BLNK: variants seen among roughly 807,000 people sequenced by gnomAD.
BLNK encodes the protein B-cell linker protein.
In BLNK, 29 loss-of-function variants were observed where a neutral mutation model predicts 73.5. That is an observed-to-expected ratio of 0.39 (90% CI 0.29 to 0.54). The LOEUF is 0.54. Among genes scored for constraint, BLNK ranks in the 20% least tolerant of loss-of-function variants. The pLI, the probability that BLNK is intolerant of heterozygous loss-of-function variation, is 0.61. For synonymous variants in BLNK, 176 were observed against 200.8 expected (o/e 0.88, Z 1.04); for missense variants, 460 against 562.8 (o/e 0.82, Z 1.85).
At position 96,217,064 on chromosome 10, in the gene BLNK, T is replaced by C. The variant is rs147948852; in HGVS notation, c.526-330A>G. Among the ~76,000 whole-genome samples the C allele has an allele frequency of 1.5e-3, 231 of 152,346 alleles. 7 individuals are homozygous for C. The East Asian group carries it at 0.04, about 26-fold the overall frequency. On this transcript the variant is annotated intron_variant, in intron 6 of 16. Coordinates refer to ENST00000224337, the MANE Select transcript of BLNK (RefSeq NM_013314.4). Reference sequence around the variant, plus strand: ...TTCTGGACATTGAATATGCACGGAATCACACAATCTGTAGTCTTTTGAGAC... The same window carrying C: ...TTCTGGACATTGAATATGCACGGAACCACACAATCTGTAGTCTTTTGAGAC...
chr10:96,224,047 T>G (rs1591325381), intron 5 of BLNK, 58 bp from the exon 6 acceptor site: 1 of 1,597,052 alleles, frequency 6.3e-7, no homozygotes. Flanking sequence ...ATTTCCTGGG[T>G]GGAAGCCATT....
In BLNK at chr10:96,200,199, A is replaced by G; in HGVS notation, c.1012-41T>C. ...CACTGGTCAGCATGGGATGGTCCCT[A>G]CTTAACTCTAATTTCTGTGTACTAG... On this transcript the variant is annotated intron_variant, in intron 14 of 16. Coordinates refer to ENST00000224337, the MANE Select transcript of BLNK (RefSeq NM_013314.4). The surrounding 1 kb of genome is among the most constrained non-coding windows in gnomAD (Gnocchi z 4.3). 6.5e-7 allele frequency: 1 copy of G among 1,549,756 alleles called. No homozygotes were observed. Among genetic ancestry groups the G allele is most frequent in the Non-Finnish European group, 8.9e-7 (1 of 1,122,438 alleles).
At chr10:96,257,031 AG>A (rs1843548057) in intron 1 of BLNK, among the ~76,000 whole-genome samples, 1 of 152,082 alleles carries the variant, frequency 6.6e-6, no homozygotes, top group Non-Finnish European at 1.5e-5. Flanking sequence ...TCACATCAAA[AG>A]GGTGAGGAAC....
chr10:96,214,216 G>C (rs1466982265), intron 8 of BLNK, among the ~76,000 whole-genome samples: 2 of 152,164 alleles, frequency 1.3e-5, no homozygotes, highest in East Asian at 3.9e-4. Flanking sequence ...GGAAATGCCT[G>C]TGAGAATGCT....
chr10:96,202,206 A>G (rs1424738079), intron 13 of BLNK, among the ~76,000 whole-genome samples: 1 of 152,192 alleles, frequency 6.6e-6, no homozygotes, highest in African/African-American at 2.4e-5. Flanking sequence ...GCTGTAATGA[A>G]CATGATAAGG....
In BLNK at chr10:96,262,812, G is replaced by C. The variant is rs12357496; in HGVS notation, c.47+8540C>G. 1.8e-3 allele frequency among the ~76,000 whole-genome samples: 279 copies of C among 152,316 alleles called. 1 individual carries two copies. The highest frequency in any genetic ancestry group is 3.3e-3 in the Admixed American group (50 of 15,290). ...TACTGACAGCAGGAATCCTCAGAAGGCTTTCTGACTAGTAAGTGACTGCTT... is the reference window on the plus strand; with the variant it reads ...TACTGACAGCAGGAATCCTCAGAAGCCTTTCTGACTAGTAAGTGACTGCTT... On this transcript the variant is annotated intron_variant, in intron 1 of 16. Transcript: ENST00000224337.
At chr10:96,231,048 G>A (rs1444021224) in intron 3 of BLNK, among the ~76,000 whole-genome samples, 1 of 152,198 alleles carries the variant, frequency 6.6e-6, no homozygotes, top group Non-Finnish European at 1.5e-5. Context: ...AGTCCCACTG[G>A]GCAGAGCAAT....
At position 96,271,504 on chromosome 10, in the gene BLNK, C is replaced by A; in HGVS notation, c.-106G>T. ...GGTAAGCCTCTGGTCTCAAGGGTTC[C>A]GGCCACTCAAGTCTGATTTCTGAGA... On this transcript the variant is annotated 5_prime_UTR_variant, in exon 1 of 17. Coordinates refer to ENST00000224337, the MANE Select transcript of BLNK (RefSeq NM_013314.4). 1 of 1,205,636 alleles carries A rather than the reference C, an allele frequency of 8.3e-7. No individual in the cohort carries two copies. Among genetic ancestry groups the A allele is most frequent in the East Asian group, 2.4e-5 (1 of 42,444 alleles). The allele number at this position is 1,205,636 out of a possible 1,614,324, so 74.7% of individuals were successfully genotyped here.
At chr10:96,199,497 T>C (rs782453116) in intron 15 of BLNK, 2 of 462,200 alleles carry the variant, frequency 4.3e-6, no homozygotes, top group Non-Finnish European at 8.7e-6. Flanking sequence ...AGCTTTCTCG[T>C]CTCCCACTGT....
At chr10:96,215,413 AT>A (rs2084042212) in intron 7 of BLNK, 24 bp from the exon 8 acceptor site, 3 of 137,402 alleles carry the variant, frequency 2.2e-5, no homozygotes, top group Non-Finnish European at 3.7e-5. Context: ...ATGTGTGTGT[AT>A]ATATATATAT....
chr10:96,245,280 T>C (rs554498716), intron 2 of BLNK, among the ~76,000 whole-genome samples: 37 of 152,312 alleles, frequency 2.4e-4, no homozygotes, highest in African/African-American at 8.4e-4. Flanking sequence ...TTTGAATGCA[T>C]AGAGAAATGA....
intron 8 of BLNK, among the ~76,000 whole-genome samples, chr10:96,214,713 A>G (rs2084024781): frequency 6.6e-6 from 1 of 152,262 alleles, no homozygotes; most frequent in South Asian, 2.1e-4. Context: ...GGGAGTTACC[A>G]GTGTAGACTT....
intron 1 of BLNK, among the ~76,000 whole-genome samples, chr10:96,255,179 T>C (rs1189758124): frequency 1.3e-5 from 2 of 152,030 alleles, no homozygotes; most frequent in Admixed American, 6.6e-5. Flanking sequence ...CCCAGGCACA[T>C]AGAAGGATAA....
intron 6 of BLNK, among the ~76,000 whole-genome samples, chr10:96,222,741 T>G (rs1310477801): frequency 6.6e-6 from 1 of 152,132 alleles, no homozygotes; most frequent in Non-Finnish European, 1.5e-5. Context: ...CTATCTCCAT[T>G]GTACATCCTG....
At chr10:96,220,101 C>A (rs868967232) in intron 6 of BLNK, among the ~76,000 whole-genome samples, 31 of 152,164 alleles carry the variant, frequency 2.0e-4, no homozygotes, top group African/African-American at 7.2e-4. Flanking sequence ...AATCTGTGGA[C>A]CCTGTATAAA....
At chr10:96,242,076 A>G (rs1319381304) in intron 3 of BLNK, among the ~76,000 whole-genome samples, 1 of 152,098 alleles carries the variant, frequency 6.6e-6, no homozygotes, top group Non-Finnish European at 1.5e-5. Context: ...CCCAAATCTC[A>G]TCTTGCATTG....
chr10:96,227,624 C>G, intron 4 of BLNK, 58 bp from the exon 5 acceptor site: 2 of 1,609,994 alleles, frequency 1.2e-6, no homozygotes, highest in Non-Finnish European at 1.7e-6. Context: ...GCCTGGCCGT[C>G]AGGACCATTC....
At position 96,207,914 on chromosome 10, in the gene BLNK, G is replaced by A. The variant is rs1387536643; in HGVS notation, c.747-15C>T. On this transcript the variant is annotated splice_polypyrimidine_tract_variant and intron_variant, in intron 9 of 16. Transcript: ENST00000224337. Reference sequence around the variant, plus strand: ...TTGGTTTTTTCCTGGGGAATAAAAAGAGATGAGCTTTGTTAAAACACAACG... The same window carrying A: ...TTGGTTTTTTCCTGGGGAATAAAAAAAGATGAGCTTTGTTAAAACACAACG... 2 of 1,613,454 alleles carry A rather than the reference G, an allele frequency of 1.2e-6. No homozygotes were observed. Among genetic ancestry groups the A allele is most frequent in the African/African-American group, 1.3e-5 (1 of 74,920 alleles).
chr10:96,197,019 T>C lies in BLNK; in HGVS notation c.1140A>G (p.Lys380=). ...LIRKSSGHDS[K]QPYTLVVFFN... is the part of the protein sequence containing the mutation. Reference sequence around the variant, plus strand: ...AGAATACAACTAGTGTATATGGTTGTTTGGAATCATGGCCAGAGCTTTTCC... The same window carrying C: ...AGAATACAACTAGTGTATATGGTTGCTTGGAATCATGGCCAGAGCTTTTCC... The change falls in exon 16 of 17, where the codon AAA becomes AAG. Residue 380 remains lysine (K), a synonymous_variant. Coordinates refer to ENST00000224337, the MANE Select transcript of BLNK (RefSeq NM_013314.4). 6.2e-7 allele frequency: 1 copy of C among 1,613,210 alleles called. No individual in the cohort carries two copies. The highest frequency in any genetic ancestry group is 8.5e-7 in the Non-Finnish European group (1 of 1,179,606).
Sources: gnomAD v4.1 joint callset for allele counts (sites outside exome capture counted in the v4.1 genomes callset) on GRCh38, gnomAD v4.1.1 for gene constraint, Gnocchi (gnomAD v3.1) non-coding constraint, MANE v1.5 for transcripts, NCBI Gene and HGNC (gene_info 2026-07-23, HGNC 2026-07-21) for gene names.